Variants in ASB11 observed in about 807,000 individuals in gnomAD.
ASB11 encodes the protein ankyrin repeat and SOCS box protein 11.
In ASB11, 17 loss-of-function variants were observed where a neutral mutation model predicts 20.1. The ratio of observed to expected loss-of-function variants is 0.85; its 90% CI spans 0.58 to 1.27. The LOEUF is 1.27. ASB11 is among the 50% of genes most tolerant of loss of function. The pLI, the probability that ASB11 is intolerant of heterozygous loss-of-function variation, is 0.00. For synonymous variants in ASB11, 107 were observed against 105.6 expected (o/e 1.01, Z -0.08); for missense variants, 259 against 256.9 (o/e 1.01, Z -0.06).
At chrX:15,307,697 T>G (rs1435191699) in intron 1 of ASB11, among the ~76,000 whole-genome samples, 1 of 111,433 alleles carries the variant, frequency 9.0e-6, no homozygotes, top group Non-Finnish European at 1.9e-5. Context: ...CCTTGGGTGT[T>G]AGGAGTCAAA....
chrX:15,310,838 A>C (rs1200688622), intron 1 of ASB11, among the ~76,000 whole-genome samples: 2 of 111,476 alleles, frequency 1.8e-5, no homozygotes, highest in African/African-American at 6.5e-5. Flanking sequence ...AAATACAAAA[A>C]TTAGCCAGTG....
intron 1 of ASB11, among the ~76,000 whole-genome samples, chrX:15,315,170 ACT>A (rs747340634): frequency 1.8e-5 from 2 of 111,726 alleles, no homozygotes; most frequent in African/African-American, 6.5e-5. Context: ...TTCTCAAAAT[ACT>A]CTTAGTAAGC....
At chrX:15,294,248 A>C (rs753502208) in intron 3 of ASB11, among the ~76,000 whole-genome samples, 1 of 111,479 alleles carries the variant, frequency 9.0e-6, no homozygotes, top group Non-Finnish European at 1.9e-5. Context: ...GATGCCATTG[A>C]AATATAGGAC....
chrX:15,290,295 A>G (rs989960489), intron 4 of ASB11, among the ~76,000 whole-genome samples: 17 of 111,223 alleles, frequency 1.5e-4, no homozygotes, highest in African/African-American at 4.9e-4. Context: ...CAGAGGGACA[A>G]ACGACTAGGC....
At chrX:15,299,523 G>T (rs1294464394) in intron 2 of ASB11, among the ~76,000 whole-genome samples, 1 of 111,601 alleles carries the variant, frequency 9.0e-6, no homozygotes, top group Non-Finnish European at 1.9e-5. Context: ...AGGCTTCAGA[G>T]AGAATAGATT....
chrX:15,310,855 C>T (rs1306533758), intron 1 of ASB11, among the ~76,000 whole-genome samples: 2 of 111,090 alleles, frequency 1.8e-5, no homozygotes, highest in African/African-American at 3.3e-5. Context: ...AGTGTGGTGG[C>T]GGGCGCCTGT....
intron 6 of ASB11, among the ~76,000 whole-genome samples, chrX:15,287,617 G>A (rs1016114550): frequency 3.6e-5 from 4 of 112,517 alleles, no homozygotes; most frequent in African/African-American, 9.7e-5. Flanking sequence ...GAGCCACCAC[G>A]CCCAGCCGGT....
intron 4 of ASB11, among the ~76,000 whole-genome samples, chrX:15,290,293 C>G (rs1165978112): frequency 3.6e-5 from 4 of 111,071 alleles, no homozygotes; most frequent in Non-Finnish European, 7.5e-5. Context: ...CCCAGAGGGA[C>G]AAACGACTAG....
Position 15,315,460 on chromosome X carries a change from G to T in ASB11, c.146C>A (p.Ala49Asp). 8.7e-7 allele frequency: 1 copy of T among 1,151,740 alleles called. No homozygotes were observed. The highest frequency in any genetic ancestry group is 1.1e-6 in the Non-Finnish European group (1 of 870,138). 94.9% of individuals were successfully genotyped at this position (1,151,740 alleles called of 1,213,427 possible). The change falls in exon 1 of 7, where the codon GCT becomes GAT. Residue 49 changes from alanine (A) to aspartate (D), a missense_variant. By Grantham distance (126) the Ala-to-Asp change is moderately radical. Transcript: ENST00000480796. ...YIVKGNRKEA[A>D]RIAEEIYGGI... ...ACCATAGATCTCTTCTGCTATCCTA[G>T]CCGCTTCTTTTCTATTTCCTTTGAC...
In ASB11 at chrX:15,283,578, C is replaced by A. The variant is rs772820473; in HGVS notation, c.899G>T (p.Gly300Val). 6 of 1,209,793 alleles carry A rather than the reference C, an allele frequency of 5.0e-6. No individual in the cohort carries two copies. The East Asian group carries it at 1.5e-4, about 30-fold the overall frequency. Residue 300 changes from glycine (G) to valine (V), a missense_variant, in exon 7 of 7, where the codon GGT (glycine) becomes GTT (valine). Coordinates refer to ENST00000480796, the MANE Select transcript of ASB11 (RefSeq NM_080873.3). The part of the protein sequence containing the change: ...LCRLCVRKCL[G>V]RACHQAIHKL... ...GTGGATGGCTTGATGACATGCTCGA[C>A]CGAGACACTTCCGGACACACAGGCG... is the stretch of plus-strand genomic sequence containing the variant.
intron 5 of ASB11, 128 bp downstream of exon 5, chrX:15,289,376 T>A: frequency 1.4e-6 from 1 of 736,657 alleles, no homozygotes; most frequent in Non-Finnish European, 2.0e-6. Context: ...AGAGAAGTTT[T>A]GTTTTTAGCA....
chrX:15,283,988 C>T (rs919770427), intron 6 of ASB11, among the ~76,000 whole-genome samples: 9 of 110,984 alleles, frequency 8.1e-5, no homozygotes, highest in South Asian at 3.8e-4. Flanking sequence ...CACGGTGGCT[C>T]ACGCCTGTAA....
chrX:15,302,220 G>A (rs1433242691), intron 2 of ASB11, among the ~76,000 whole-genome samples: 1 of 111,496 alleles, frequency 9.0e-6, no homozygotes, highest in East Asian at 2.8e-4. Context: ...GCCATGAGAT[G>A]ACTGCAGCCC....
intron 1 of ASB11, among the ~76,000 whole-genome samples, chrX:15,306,680 G>A (rs191242049): frequency 3.4e-4 from 38 of 110,487 alleles, no homozygotes; most frequent in African/African-American, 1.3e-3. Context: ...TCCAGCTTGG[G>A]TGACACAGTG....
chrX:15,314,345 T>TTG (rs1213478847), intron 1 of ASB11: 1 of 1,087,684 alleles, frequency 9.2e-7, no homozygotes, highest in Non-Finnish European at 1.2e-6. Context: ...TTTTTTTTTT[T>TTG]TGTAACTAGT....
In ASB11 at chrX:15,307,385, G is replaced by A. The variant is rs750242896; in HGVS notation, c.182-4578C>T. Among the ~76,000 whole-genome samples the A allele has an allele frequency of 2.7e-5, 3 of 112,373 alleles. No individual in the cohort carries two copies. In the South Asian group the frequency reaches 1.1e-3, roughly 42 times the overall value. On this transcript the variant is annotated intron_variant, in intron 1 of 6. Transcript: ENST00000480796. ...GGAAGACAATTTTTCCACAGATGAG[G>A]GTGGGCAGGGGATGGTTTCAGGATG...
chrX:15,306,736 C>T (rs750199601), intron 1 of ASB11, among the ~76,000 whole-genome samples: 2 of 111,460 alleles, frequency 1.8e-5, no homozygotes, highest in Admixed American at 9.6e-5. Context: ...ACAACAACAA[C>T]TCTTTGGATA....
intron 3 of ASB11, 49 bp downstream of exon 3, chrX:15,297,525 A>G: frequency 2.0e-6 from 2 of 1,002,181 alleles, no homozygotes; most frequent in Non-Finnish European, 2.7e-6. Context: ...TTAAACATTA[A>G]CAGATGCATC....
rs1238290425 is a variant in ASB11, at chrX:15,302,759, C to T, written c.230G>A (p.Arg77His). 3.3e-6 allele frequency: 4 copies of T among 1,208,438 alleles called. No homozygotes were observed. Among genetic ancestry groups the T allele is most frequent in the African/African-American group, 3.5e-5 (2 of 57,122 alleles). Reference protein sequence around the residue: ...SPLHEAAAQGRLLALKTLIAQ... With the variant: ...SPLHEAAAQGHLLALKTLIAQ... Reference sequence around the variant, plus strand: ...AATTAAAGTTTTAAGGGCCAGTAAGCGCCCCTGAGCTGCAGCTTCATGAAG... The same window carrying T: ...AATTAAAGTTTTAAGGGCCAGTAAGTGCCCCTGAGCTGCAGCTTCATGAAG... The change falls in exon 2 of 7, where the codon CGC (arginine) becomes CAC (histidine). Residue 77 changes from arginine to histidine, a missense_variant. Transcript: ENST00000480796.
Sources: allele counts gnomAD v4.1 joint callset (sites outside exome capture counted in the v4.1 genomes callset), GRCh38; gene constraint gnomAD v4.1.1; transcripts MANE v1.5; gene names NCBI Gene and HGNC (gene_info 2026-07-23, HGNC 2026-07-21).